STPG2: variants seen among roughly 807,000 people sequenced by gnomAD.
STPG2 encodes sperm-tail PG-rich repeat-containing protein 2.
In STPG2, 56 loss-of-function variants were observed where a neutral mutation model predicts 54.2. The observed-to-expected ratio is 1.03, with a 90% CI of 0.83 to 1.29. The LOEUF is 1.29. Among genes scored for constraint, STPG2 ranks in the 50% most tolerant of loss-of-function variants. The pLI is 0.00. For synonymous variants in STPG2, 200 were observed against 181.8 expected (o/e 1.10, Z -0.81); for missense variants, 596 against 544.9 (o/e 1.09, Z -0.93).
At chr4:97,659,391 T>C (rs1722308978) in intron 10 of STPG2, among the ~76,000 whole-genome samples, 1 of 152,006 alleles carries the variant, frequency 6.6e-6, no homozygotes, top group Non-Finnish European at 1.5e-5. Context: ...ATTCAGGAGT[T>C]GTATCATTTC....
At chr4:97,812,715 C>T (rs1396758210) in intron 9 of STPG2, among the ~76,000 whole-genome samples, 1 of 152,084 alleles carries the variant, frequency 6.6e-6, no homozygotes, top group Non-Finnish European at 1.5e-5. Context: ...CCGTTTTCCT[C>T]CTAATCAATA....
At chr4:97,879,720 T>C (rs934883249) in intron 8 of STPG2, among the ~76,000 whole-genome samples, 2 of 152,022 alleles carry the variant, frequency 1.3e-5, no homozygotes, top group African/African-American at 4.8e-5. Flanking sequence ...ATTCTCAACA[T>C]CTCTAATCAC....
chr4:97,616,059 T>TATATATAA (rs1553942914), intron 10 of STPG2, among the ~76,000 whole-genome samples: 1 of 31,316 alleles, frequency 3.2e-5, no homozygotes, highest in Non-Finnish European at 6.4e-5. Flanking sequence ...TACATATAAA[T>TATATATAA]ATATATATAT....
intron 10 of STPG2, among the ~76,000 whole-genome samples, chr4:97,610,086 G>A (rs2148914079): frequency 6.6e-6 from 1 of 152,054 alleles, no homozygotes; most frequent in Middle Eastern, 3.4e-3. Context: ...TGGCTAGCTA[G>A]GAAGTCCTAA....
chr4:97,945,159 A>G (rs968154254), intron 7 of STPG2, among the ~76,000 whole-genome samples: 1 of 152,080 alleles, frequency 6.6e-6, no homozygotes, highest in Non-Finnish European at 1.5e-5. Context: ...CCCATCACCC[A>G]CGTAGTGTAC....
At chr4:97,932,122 A>T (rs554570109) in intron 8 of STPG2, among the ~76,000 whole-genome samples, 14 of 152,124 alleles carry the variant, frequency 9.2e-5, no homozygotes, top group African/African-American at 3.4e-4. Flanking sequence ...GTTAGTTTGA[A>T]TATTCTCTCT....
At chr4:97,765,669 T>C (rs748832843) in intron 9 of STPG2, among the ~76,000 whole-genome samples, 1 of 152,132 alleles carries the variant, frequency 6.6e-6, no homozygotes, top group Non-Finnish European at 1.5e-5. Flanking sequence ...TTGTAACCAC[T>C]AAGATTATGG....
intron 9 of STPG2, among the ~76,000 whole-genome samples, chr4:97,818,969 T>C (rs917582462): frequency 1.4e-5 from 2 of 147,648 alleles, no homozygotes; most frequent in Non-Finnish European, 3.0e-5. Flanking sequence ...TATTTATATA[T>C]AATATAAATA....
chr4:97,474,317 C>T (rs1205311504), intron 4 of STPG2, among the ~76,000 whole-genome samples: 1 of 151,674 alleles, frequency 6.6e-6, no homozygotes, highest in African/African-American at 2.4e-5. Context: ...CTTGCATTTT[C>T]CATTTCATTG....
At chr4:97,965,266 C>G (rs72617717) in intron 7 of STPG2, among the ~76,000 whole-genome samples, 6,518 of 152,316 alleles carry the variant, frequency 0.043, 238 homozygotes, top group Admixed American at 0.13. Flanking sequence ...ATCTACCTGC[C>G]AGGCTGCAGC....
intron 6 of STPG2, among the ~76,000 whole-genome samples, chr4:97,976,792 GC>G (rs1286356531): frequency 6.6e-6 from 1 of 151,930 alleles, no homozygotes; most frequent in Non-Finnish European, 1.5e-5. Context: ...AATTTAACTT[GC>G]CCTTTATAAA....
chr4:97,722,815 T>TG (rs1482768283), intron 9 of STPG2, among the ~76,000 whole-genome samples: 1 of 131,564 alleles, frequency 7.6e-6, no homozygotes, highest in African/African-American at 2.7e-5. Context: ...TTTTTTTTTT[T>TG]GAGACGGAGC....
At chr4:97,913,986 A>G (rs1358414460) in intron 8 of STPG2, among the ~76,000 whole-genome samples, 1 of 152,194 alleles carries the variant, frequency 6.6e-6, no homozygotes, top group East Asian at 1.9e-4. Context: ...TTCAAGCTCA[A>G]ATCAAAGCTG....
At chr4:97,851,145 A>G (rs1729147504) in intron 8 of STPG2, among the ~76,000 whole-genome samples, 1 of 152,150 alleles carries the variant, frequency 6.6e-6, no homozygotes, top group South Asian at 2.1e-4. Context: ...TACATTTGCA[A>G]TTAAACAAGT....
intron 5 of STPG2, among the ~76,000 whole-genome samples, chr4:98,045,050 G>T (rs1967979): frequency 0.39 from 59,639 of 151,238 alleles, 11,983 homozygotes; most frequent in Middle Eastern, 0.46. Flanking sequence ...TTGGACCCTT[G>T]CTTTCTCTGG....
intron 4 of STPG2, among the ~76,000 whole-genome samples, chr4:97,480,145 A>G (rs1008303725): frequency 6.6e-6 from 1 of 151,740 alleles, no homozygotes; most frequent in Non-Finnish European, 1.5e-5. Context: ...TAGATATTAG[A>G]CAAATAAGGG....
At chr4:98,063,852 C>A (rs1169646565) in intron 5 of STPG2, among the ~76,000 whole-genome samples, 1 of 151,936 alleles carries the variant, frequency 6.6e-6, no homozygotes, top group African/African-American at 2.4e-5. Flanking sequence ...CCAGCCTGGG[C>A]AACACAGTGA....
intron 5 of STPG2, among the ~76,000 whole-genome samples, chr4:98,035,707 C>G (rs1223554914): frequency 6.6e-6 from 1 of 152,074 alleles, no homozygotes; most frequent in Non-Finnish European, 1.5e-5. Context: ...AAATGCCCAT[C>G]AATGACAAAC....
intron 2 of STPG2, among the ~76,000 whole-genome samples, chr4:98,130,936 AAAACAAAAAAAAAAC>A (rs1469156441): frequency 2.7e-5 from 4 of 146,562 alleles, no homozygotes; most frequent in Non-Finnish European, 1.5e-5. Context: ...AAAAAAAAAA[AAAACAAAAAAAAAAC>A]GACTTTCCAA....
Sources: allele counts gnomAD v4.1 joint callset (sites outside exome capture counted in the v4.1 genomes callset), GRCh38; gene constraint gnomAD v4.1.1; transcripts MANE v1.5; gene names NCBI Gene and HGNC (gene_info 2026-07-23, HGNC 2026-07-21).